NCKAP5: variants seen among roughly 807,000 people sequenced by gnomAD.
The protein encoded by NCKAP5 is NCK associated protein 5.
In NCKAP5, 92 loss-of-function variants were observed where a neutral mutation model predicts 167.0. The ratio of observed to expected loss-of-function variants is 0.55; its 90% CI spans 0.47 to 0.66. The LOEUF (loss-of-function observed/expected upper bound fraction) is 0.66, where lower values mean the gene tolerates loss of function less well. NCKAP5 is among the 30% of genes least tolerant of loss of function. NCKAP5 has a pLI of 0.00. For missense variants in NCKAP5, 2,378 were observed against 2,315.0 expected (o/e 1.03, Z -0.56); for synonymous variants, 891 against 877.4 (o/e 1.02, Z -0.27).
intron 8 of NCKAP5, among the ~76,000 whole-genome samples, chr2:132,949,003 T>TAAAAGAAAAGAAAAGAAAA (rs1553487801): frequency 7.7e-6 from 1 of 130,226 alleles, no homozygotes. Flanking sequence ...TCCAGAGAAA[T>TAAAAGAAAAGAAAAGAAAA]GAAAAGAAAA....
chr2:133,669,707 G>A, the NCKAP5 span, among the ~76,000 whole-genome samples: 1 of 152,154 alleles, frequency 6.6e-6, no homozygotes, highest in Non-Finnish European at 1.5e-5. Context: ...GGCATGGGTG[G>A]AGCGTTGTCC....
intron 3 of NCKAP5, among the ~76,000 whole-genome samples, chr2:133,508,852 C>A (rs1210645759): frequency 6.6e-6 from 1 of 152,236 alleles, no homozygotes; most frequent in Non-Finnish European, 1.5e-5. Flanking sequence ...GCAAACATCT[C>A]TACTCATTTG....
At chr2:132,697,669 T>C (rs1392397699) in intron 19 of NCKAP5, among the ~76,000 whole-genome samples, 1 of 152,172 alleles carries the variant, frequency 6.6e-6, no homozygotes, top group African/African-American at 2.4e-5. Flanking sequence ...ATTTTTCATT[T>C]TGATATAGTT....
chr2:132,810,892 T>C (rs1468085241), intron 11 of NCKAP5, among the ~76,000 whole-genome samples: 2 of 152,212 alleles, frequency 1.3e-5, no homozygotes, highest in Admixed American at 6.5e-5. Flanking sequence ...TCCTTTTCAT[T>C]TGGGTGGGCT....
chr2:132,996,073 C>T (rs188977437), intron 6 of NCKAP5, among the ~76,000 whole-genome samples: 202 of 152,250 alleles, frequency 1.3e-3, no homozygotes, highest in Non-Finnish European at 2.1e-3. Context: ...AGGATGTCAC[C>T]GGCCAACAGG....
chr2:132,998,985 G>C (rs901591273), intron 6 of NCKAP5, among the ~76,000 whole-genome samples: 2 of 151,880 alleles, frequency 1.3e-5, no homozygotes, highest in African/African-American at 4.8e-5. Context: ...CCTAAATATT[G>C]GTCAAGTAGC....
intron 6 of NCKAP5, among the ~76,000 whole-genome samples, chr2:133,126,731 A>T (rs1468996109): frequency 6.6e-6 from 1 of 152,180 alleles, no homozygotes; most frequent in South Asian, 2.1e-4. Context: ...TGGCCATGAG[A>T]TAATAATTAC....
Position 133,202,595 on chromosome 2 carries a change from C to T in NCKAP5, c.207+11121G>A, listed in dbSNP as rs892957336. On this transcript the variant is annotated intron_variant, in intron 5 of 19. Transcript: ENST00000409261. ...CAAAGGAAACTACCATCAGAGTGAACAGGCAACCTGCAGAATGGGAGAAAA... is the reference window on the plus strand; with the variant it reads ...CAAAGGAAACTACCATCAGAGTGAATAGGCAACCTGCAGAATGGGAGAAAA... 2.6e-5 allele frequency among the ~76,000 whole-genome samples: 4 copies of T among 152,236 alleles called. No homozygotes were observed. In the East Asian group the frequency reaches 7.7e-4, roughly 29 times the overall value.
At chr2:133,093,766 AGAG>A (rs1248071429) in intron 6 of NCKAP5, among the ~76,000 whole-genome samples, 3 of 152,346 alleles carry the variant, frequency 2.0e-5, no homozygotes, top group Admixed American at 2.0e-4. Context: ...ACTATTTGAT[AGAG>A]GAGAAGGGAT....
intron 3 of NCKAP5, among the ~76,000 whole-genome samples, chr2:133,369,310 C>T (rs1182958875): frequency 6.6e-6 from 1 of 152,144 alleles, no homozygotes; most frequent in African/African-American, 2.4e-5. Flanking sequence ...AGCAGAAATT[C>T]ACAAGGAATC....
chr2:132,922,369 C>A (rs897686467), intron 8 of NCKAP5, among the ~76,000 whole-genome samples: 4 of 152,132 alleles, frequency 2.6e-5, no homozygotes, highest in Admixed American at 6.5e-5. Flanking sequence ...CCAGGCTTTT[C>A]CAGTAGAATG....
rs576057840 is a variant in NCKAP5 at position 133,044,878 on chromosome 2, C to T, written c.342-50639G>A. Among the ~76,000 whole-genome samples the T allele has an allele frequency of 2.6e-5, 4 of 151,936 alleles. No homozygotes were observed. In the South Asian group the frequency reaches 8.3e-4, roughly 32 times the overall value. On this transcript the variant is annotated intron_variant, in intron 6 of 19. Coordinates refer to ENST00000409261, the MANE Select transcript of NCKAP5 (RefSeq NM_207363.3). Reference sequence around the variant, plus strand: ...TCACTTGAGCACAGGAACAAAATGTCACCCCATCTCTACAAAAAATGGAAA... The same window carrying T: ...TCACTTGAGCACAGGAACAAAATGTTACCCCATCTCTACAAAAAATGGAAA...
intron 4 of NCKAP5, among the ~76,000 whole-genome samples, chr2:133,269,290 G>T (rs935916793): frequency 6.6e-6 from 1 of 152,150 alleles, no homozygotes; most frequent in Non-Finnish European, 1.5e-5. Context: ...AGACAAGTTA[G>T]AAAAGAGTAC....
At chr2:133,317,521 C>G (rs527583657) in intron 3 of NCKAP5, among the ~76,000 whole-genome samples, 3 of 152,060 alleles carry the variant, frequency 2.0e-5, no homozygotes, top group Admixed American at 1.3e-4. Flanking sequence ...GGTGTGGAGG[C>G]GTCACCAGGG....
chr2:132,899,242 G>C (rs1004569196), intron 8 of NCKAP5, among the ~76,000 whole-genome samples: 20 of 152,184 alleles, frequency 1.3e-4, no homozygotes, highest in African/African-American at 4.8e-4. Context: ...CCCTCTACTA[G>C]CTTCAGACTT....
At chr2:132,888,211 G>A (rs533675547) in intron 8 of NCKAP5, among the ~76,000 whole-genome samples, 1 of 152,184 alleles carries the variant, frequency 6.6e-6, no homozygotes, top group Admixed American at 6.5e-5. Flanking sequence ...GCGTTTGTTG[G>A]CATGGAATAT....
At chr2:133,157,379 G>A (rs1427968108) in intron 5 of NCKAP5, among the ~76,000 whole-genome samples, 1 of 152,198 alleles carries the variant, frequency 6.6e-6, no homozygotes, top group African/African-American at 2.4e-5. Flanking sequence ...AGTACTTACT[G>A]TGTTCCTACC....
intron 5 of NCKAP5, among the ~76,000 whole-genome samples, chr2:133,180,530 G>A (rs191004411): frequency 4.1e-4 from 63 of 152,046 alleles, no homozygotes; most frequent in Middle Eastern, 6.8e-3. Flanking sequence ...GTAGAGACGC[G>A]GTTTCACTAT....
chr2:132,699,881 T>C (rs1297278648), intron 19 of NCKAP5, among the ~76,000 whole-genome samples: 1 of 152,208 alleles, frequency 6.6e-6, no homozygotes, highest in East Asian at 1.9e-4. Context: ...TATTTCTAGT[T>C]CTAGATCCCT....
Sources: allele counts gnomAD v4.1 joint callset (sites outside exome capture counted in the v4.1 genomes callset), GRCh38; gene constraint gnomAD v4.1.1; transcripts MANE v1.5; gene names NCBI Gene and HGNC (gene_info 2026-07-23, HGNC 2026-07-21).